Variants in DAAM1 observed in about 807,000 individuals in gnomAD.
DAAM1 encodes the protein dishevelled associated activator of morphogenesis 1.
Under a neutral mutation model 130.0 loss-of-function variants are expected in DAAM1, and 52 were observed. The observed-to-expected ratio is 0.40, with a 90% CI of 0.32 to 0.50. The LOEUF is 0.50. DAAM1 is among the 20% of genes least tolerant of loss of function. DAAM1 has a pLI of 0.61. For synonymous variants in DAAM1, 452 were observed against 444.5 expected (o/e 1.02, Z -0.21); for missense variants, 1,134 against 1,303.8 (o/e 0.87, Z 2.01).
intron 2 of DAAM1, among the ~76,000 whole-genome samples, chr14:59,275,513 T>TGGA (rs949546802): frequency 7.1e-4 from 108 of 152,108 alleles, no homozygotes; most frequent in Middle Eastern, 3.4e-3. Context: ...GAAATTTGGG[T>TGGA]GGATATTTGG....
At chr14:59,315,784 T>C (rs1323943267) in intron 4 of DAAM1, among the ~76,000 whole-genome samples, 3 of 152,176 alleles carry the variant, frequency 2.0e-5, no homozygotes, top group Admixed American at 6.5e-5. Flanking sequence ...GGTTATTTCC[T>C]GGCATCATGA....
chr14:59,226,328 A>G (rs1888942421), intron 1 of DAAM1, among the ~76,000 whole-genome samples: 1 of 152,188 alleles, frequency 6.6e-6, no homozygotes, highest in Admixed American at 6.5e-5. Flanking sequence ...TAGTTGATAT[A>G]TCAGAATTAT....
rs761614070 is a variant in DAAM1, at chr14:59,320,516, GGAA to G, written c.385_387del (p.Glu129del). The G allele has an allele frequency of 5.0e-5, 80 of 1,602,062 alleles. No homozygotes were observed. The highest frequency in any genetic ancestry group is 3.7e-4 in the Admixed American group (21 of 57,286). ...GAAAATCTCTGCTGGCTTTAGAGAAGGAAGAAGAAGAAGAAAGAAGTAAAACTA... is the reference window on the plus strand; with the variant it reads ...GAAAATCTCTGCTGGCTTTAGAGAAGGAAGAAGAAGAAAGAAGTAAAACTA... On this transcript the variant is annotated inframe_deletion, in exon 5 of 25. Transcript: ENST00000360909.
At chr14:59,262,090 T>A (rs1169262299) in intron 1 of DAAM1, among the ~76,000 whole-genome samples, 2 of 151,964 alleles carry the variant, frequency 1.3e-5, no homozygotes, top group Non-Finnish European at 2.9e-5. Flanking sequence ...TTTTTTAACC[T>A]CATTGAAGAC....
At chr14:59,358,941 C>T (rs1886596555) in intron 20 of DAAM1, among the ~76,000 whole-genome samples, 1 of 152,088 alleles carries the variant, frequency 6.6e-6, no homozygotes, top group African/African-American at 2.4e-5. Flanking sequence ...ATCCCTCACT[C>T]TCCACCCCAC....
At chr14:59,229,713 T>C (rs1477871809) in intron 1 of DAAM1, among the ~76,000 whole-genome samples, 1 of 152,218 alleles carries the variant, frequency 6.6e-6, no homozygotes, top group Non-Finnish European at 1.5e-5. Context: ...TAAAACCTGG[T>C]TGATTAAACT....
At position 59,251,398 on chromosome 14, in the gene DAAM1, C is replaced by A. The variant is rs139458831; in HGVS notation, c.-37-12043C>A. Among the ~76,000 whole-genome samples the A allele has an allele frequency of 7.3e-5, 11 of 150,680 alleles. No homozygotes were observed. The East Asian group carries it at 2.1e-3, about 29-fold the overall frequency. Reference sequence around the variant, plus strand: ...GGTTAGGAGATTGCCCATTGTGGGGCTGAGGTTCTTCCCTCAGTCATCTTT... The same window carrying A: ...GGTTAGGAGATTGCCCATTGTGGGGATGAGGTTCTTCCCTCAGTCATCTTT... On this transcript the variant is annotated intron_variant, in intron 1 of 24. Transcript: ENST00000360909.
In DAAM1 at chr14:59,208,875, A is replaced by G. The variant is rs149029947; in HGVS notation, c.-38+20107A>G. Among the ~76,000 whole-genome samples, 282 of 152,132 alleles carry G rather than the reference A, an allele frequency of 1.9e-3. 1 individual carries two copies. The highest frequency in any genetic ancestry group is 6.3e-3 in the African/African-American group (263 of 41,510). On this transcript the variant is annotated intron_variant, in intron 1 of 24. Transcript: ENST00000360909. ...TTAAAAGAGTTTAGGACCTTCCCCT[A>G]TCTTTCTCTTGCTCCTTCTCTGGCC... is the stretch of plus-strand genomic sequence containing the variant.
chr14:59,262,274 G>T (rs1282014628), intron 1 of DAAM1, among the ~76,000 whole-genome samples: 2 of 152,054 alleles, frequency 1.3e-5, no homozygotes, highest in Non-Finnish European at 2.9e-5. Context: ...ATGGCTTTTT[G>T]TATGACGTTT....
intron 1 of DAAM1, among the ~76,000 whole-genome samples, chr14:59,189,982 G>GC (rs1427329925): frequency 6.6e-6 from 1 of 152,124 alleles, no homozygotes; most frequent in Non-Finnish European, 1.5e-5. Flanking sequence ...TGAGATTCGA[G>GC]CAGGACCCAG....
chr14:59,279,046 A>AT (rs1016311587), intron 2 of DAAM1, among the ~76,000 whole-genome samples: 1 of 151,918 alleles, frequency 6.6e-6, no homozygotes, highest in African/African-American at 2.4e-5. Context: ...AGCAGGCTTG[A>AT]TTTTTTTTGA....
At chr14:59,296,021 G>A (rs1249201068) in intron 3 of DAAM1, among the ~76,000 whole-genome samples, 1 of 152,158 alleles carries the variant, frequency 6.6e-6, no homozygotes, top group Non-Finnish European at 1.5e-5. Flanking sequence ...AGAAGTACCT[G>A]GTTTAGTCTT....
At chr14:59,237,732 C>A (rs1404193909) in intron 1 of DAAM1, among the ~76,000 whole-genome samples, 1 of 152,154 alleles carries the variant, frequency 6.6e-6, no homozygotes. Context: ...GTCCCTGGAT[C>A]TTCTCCCTAC....
chr14:59,325,625 G>A (rs1333655096), intron 8 of DAAM1, 39 bp from the exon 9 acceptor site: 46 of 1,561,666 alleles, frequency 2.9e-5, no homozygotes, highest in Non-Finnish European at 4.1e-5. Flanking sequence ...GTGTTTATAG[G>A]ATGTTCTACT....
intron 1 of DAAM1, among the ~76,000 whole-genome samples, chr14:59,253,451 A>C (rs1175331468): frequency 1.3e-5 from 2 of 152,196 alleles, no homozygotes; most frequent in East Asian, 1.9e-4. Flanking sequence ...AATTGTATTA[A>C]AGTAATCTTC....
intron 24 of DAAM1, 120 bp downstream of exon 24, chr14:59,367,719 G>A: frequency 7.6e-7 from 1 of 1,320,696 alleles, no homozygotes; most frequent in Non-Finnish European, 9.9e-7. Flanking sequence ...GTACTCTCTA[G>A]AATGCTGTGG....
At chr14:59,349,747 C>G (rs1475924165) in intron 17 of DAAM1, among the ~76,000 whole-genome samples, 1 of 152,218 alleles carries the variant, frequency 6.6e-6, no homozygotes, top group Non-Finnish European at 1.5e-5. Flanking sequence ...ATTTGCTTGA[C>G]TCCTGATCCT....
chr14:59,346,982 C>T (rs958713694), intron 16 of DAAM1, among the ~76,000 whole-genome samples: 9 of 152,052 alleles, frequency 5.9e-5, no homozygotes, highest in Non-Finnish European at 1.0e-4. Flanking sequence ...TATGTCTGAC[C>T]TCGGACAAAT....
In DAAM1 at chr14:59,293,263, C is replaced by T. The variant is rs548952937; in HGVS notation, c.273+1957C>T. ...TTTTCTTCTTTCCCAGATTTTATTA[C>T]ACCCTTGACAGCAATAGAAAGTTAA... On this transcript the variant is annotated intron_variant, in intron 3 of 24. Transcript: ENST00000360909. 3.9e-5 allele frequency among the ~76,000 whole-genome samples: 6 copies of T among 152,304 alleles called. No homozygotes were observed. The South Asian group carries it at 1.2e-3, about 32-fold the overall frequency.
Sources: gnomAD v4.1 joint callset for allele counts (sites outside exome capture counted in the v4.1 genomes callset) on GRCh38, gnomAD v4.1.1 for gene constraint, MANE v1.5 for transcripts, NCBI Gene and HGNC (gene_info 2026-07-23, HGNC 2026-07-21) for gene names.